The following MYO3A variants were observed in gnomAD, a reference collection of about 807,000 sequenced individuals.
MYO3A encodes the protein myosin-IIIa.
Under a neutral mutation model 192.7 loss-of-function variants are expected in MYO3A, and 180 were observed. The ratio of observed to expected loss-of-function variants is 0.93; its 90% CI spans 0.83 to 1.06. The LOEUF (loss-of-function observed/expected upper bound fraction) is 1.06. Among genes scored for constraint, MYO3A ranks in the 50% least tolerant of loss-of-function variants. MYO3A has a pLI of 0.00. For missense variants in MYO3A, 1,896 were observed against 1,905.0 expected (o/e 1.00, Z 0.09); for synonymous variants, 628 against 645.3 (o/e 0.97, Z 0.41).
intron 2 of MYO3A, among the ~76,000 whole-genome samples, chr10:25,944,862 C>T (rs1409034810): frequency 6.6e-6 from 1 of 152,004 alleles, no homozygotes; most frequent in Non-Finnish European, 1.5e-5. Flanking sequence ...ATTTTCTCTA[C>T]ATTTTTATTC....
At chr10:26,056,977 C>T (rs1381989520) in intron 10 of MYO3A, among the ~76,000 whole-genome samples, 38 of 151,568 alleles carry the variant, frequency 2.5e-4, no homozygotes. Context: ...AAAATAGATG[C>T]CATGAAAGCT....
At chr10:26,125,284 T>C in intron 18 of MYO3A, 114 bp from the exon 19 acceptor site, 1 of 916,536 alleles carries the variant, frequency 1.1e-6, no homozygotes, top group Non-Finnish European at 1.7e-6. Context: ...CATTACATAA[T>C]CTCCACACAT....
chr10:26,209,849 C>G (rs1350821536), intron 34 of MYO3A, among the ~76,000 whole-genome samples: 1 of 152,114 alleles, frequency 6.6e-6, no homozygotes, highest in Admixed American at 6.5e-5. Context: ...AATCCCAGCA[C>G]TTTGGAAGGC....
intron 4 of MYO3A, among the ~76,000 whole-genome samples, chr10:25,990,654 C>T (rs1839961549): frequency 9.7e-6 from 1 of 102,634 alleles, no homozygotes; most frequent in Non-Finnish European, 1.9e-5. Context: ...AAGGCTACCC[C>T]TCCCCCCTCC....
Position 25,936,216 on chromosome 10 carries a change from C to T in MYO3A, c.-18+386C>T, listed in dbSNP as rs16926482. Among the ~76,000 whole-genome samples, 621 of 151,966 alleles carry T rather than the reference C, an allele frequency of 4.1e-3. 3 individuals carry two copies. Among genetic ancestry groups the T allele is most frequent in the African/African-American group, 0.014 (587 of 41,468 alleles). Reference sequence around the variant, plus strand: ...ATAGCATCATCTTGTCCTTTTTCGACTGCATCTTTATAGCCTAATTTTTTT... The same window carrying T: ...ATAGCATCATCTTGTCCTTTTTCGATTGCATCTTTATAGCCTAATTTTTTT... On this transcript the variant is annotated intron_variant, in intron 2 of 34. Transcript: ENST00000642920.
intron 21 of MYO3A, 151 bp from the exon 22 acceptor site, chr10:26,145,295 C>T (rs913194051): frequency 7.9e-6 from 5 of 634,706 alleles, no homozygotes; most frequent in Non-Finnish European, 1.4e-5. Context: ...TTTACTTTAC[C>T]ATGTATAATT....
intron 7 of MYO3A, among the ~76,000 whole-genome samples, chr10:26,019,520 G>C (rs1335096337): frequency 6.6e-6 from 1 of 152,168 alleles, no homozygotes; most frequent in Non-Finnish European, 1.5e-5. Context: ...GTTTCACCAT[G>C]TTAGCCAGGA....
At chr10:26,178,790 G>GTTTATTTA (rs530044620) in intron 31 of MYO3A, among the ~76,000 whole-genome samples, 3 of 151,576 alleles carry the variant, frequency 2.0e-5, no homozygotes, top group African/African-American at 4.8e-5. Flanking sequence ...TGCTTTAAAT[G>GTTTATTTA]TTTATTTATT....
chr10:26,206,065 A>ATTT (rs746654545), intron 34 of MYO3A, among the ~76,000 whole-genome samples: 61 of 141,666 alleles, frequency 4.3e-4, no homozygotes, highest in African/African-American at 1.5e-3. Context: ...CTGAGTGCAG[A>ATTT]TTTTTTTTTT....
chr10:25,971,301 A>G (rs1462462396), intron 4 of MYO3A, among the ~76,000 whole-genome samples: 2 of 152,178 alleles, frequency 1.3e-5, no homozygotes, highest in African/African-American at 2.4e-5. Context: ...ACATTTCTAT[A>G]TATTGTAGGC....
Position 26,045,366 on chromosome 10 carries a change from TTAGATAGATAGATAGATAGA to T in MYO3A, c.953+18865_953+18884del, listed in dbSNP as rs3057671. Among the ~76,000 whole-genome samples, 576 of 142,708 alleles carry T rather than the reference TTAGATAGATAGATAGATAGA, an allele frequency of 4.0e-3. 4 individuals are homozygous for T. Among genetic ancestry groups the T allele is most frequent in the African/African-American group, 0.013 (489 of 38,966 alleles). 93.6% of individuals were successfully genotyped at this position (142,708 alleles called of 152,430 possible). On this transcript the variant is annotated intron_variant, in intron 10 of 34. Coordinates refer to ENST00000642920, the MANE Select transcript of MYO3A (RefSeq NM_017433.5). ...GTACCCCTAACTTGTATGGGTGGCA[TTAGATAGATAGATAGATAGA>T]TAGATAGATAGATAGATAGATAGAT... is the stretch of plus-strand genomic sequence containing the variant.
chr10:26,022,882 A>G (rs1490167186), intron 8 of MYO3A: 1 of 152,230 alleles, frequency 6.6e-6, no homozygotes, highest in African/African-American at 2.4e-5. Flanking sequence ...AAACTGCATC[A>G]TCTTAGTTAT....
intron 32 of MYO3A, among the ~76,000 whole-genome samples, chr10:26,198,277 CA>C (rs1456131387): frequency 6.6e-6 from 1 of 152,026 alleles, no homozygotes; most frequent in Non-Finnish European, 1.5e-5. Context: ...CTGCTGTGTC[CA>C]AAATAAGAGT....
intron 15 of MYO3A, among the ~76,000 whole-genome samples, chr10:26,094,204 A>G (rs957086834): frequency 4.6e-5 from 7 of 152,164 alleles, no homozygotes; most frequent in Non-Finnish European, 8.8e-5. Flanking sequence ...TTAAACCTAC[A>G]TGACTGATGT....
At chr10:26,179,089 ATTTTTTTT>A (rs59025321) in intron 31 of MYO3A, among the ~76,000 whole-genome samples, 12 of 66,136 alleles carry the variant, frequency 1.8e-4, no homozygotes, top group East Asian at 9.8e-4. Context: ...GCCCAGCCTA[ATTTTTTTT>A]TTTTTTTTTT....
rs544965330 is a variant in MYO3A at position 26,203,134 on chromosome 10, C to T, written c.4730+27C>T. The T allele has an allele frequency of 2.7e-5, 44 of 1,607,788 alleles. No homozygotes were observed. In the South Asian group the frequency reaches 4.6e-4, roughly 17 times the overall value. On this transcript the variant is annotated intron_variant, in intron 34 of 34. Coordinates refer to ENST00000642920, the MANE Select transcript of MYO3A (RefSeq NM_017433.5). The stretch of plus-strand genomic sequence containing the variant: ...TAAAAAGCTAAACTTTAAAGTACAT[C>T]ATTTGCAGTTTTATACTCACAATTT...
At chr10:25,950,502 A>G (rs1198060828) in intron 2 of MYO3A, among the ~76,000 whole-genome samples, 2 of 152,190 alleles carry the variant, frequency 1.3e-5, no homozygotes, top group African/African-American at 4.8e-5. Context: ...TTACTTGTCA[A>G]TGTGTTATCC....
At chr10:25,949,607 TA>T (rs1837072029) in intron 2 of MYO3A, among the ~76,000 whole-genome samples, 1 of 152,112 alleles carries the variant, frequency 6.6e-6, no homozygotes, top group Non-Finnish European at 1.5e-5. Context: ...TTAAGTGTTC[TA>T]AGAACTATTC....
intron 2 of MYO3A, among the ~76,000 whole-genome samples, chr10:25,946,627 C>G (rs1836848565): frequency 6.6e-6 from 1 of 151,198 alleles, no homozygotes; most frequent in Admixed American, 6.6e-5. Flanking sequence ...CACCGGTAAT[C>G]CCAGCACTGT....
Sources: allele counts gnomAD v4.1 joint callset (sites outside exome capture counted in the v4.1 genomes callset), GRCh38; gene constraint gnomAD v4.1.1; transcripts MANE v1.5; gene names NCBI Gene and HGNC (gene_info 2026-07-23, HGNC 2026-07-21).